Variants in DYNC2H1 observed in about 807,000 individuals in gnomAD.
DYNC2H1 encodes dynein cytoplasmic 2 heavy chain 1.
DYNC2H1 carries 410 observed loss-of-function variants against 570.0 expected under a neutral mutation model. That is an observed-to-expected ratio of 0.72 (90% CI 0.66 to 0.78). The LOEUF is 0.78. DYNC2H1 is among the 30% of genes least tolerant of loss of function. The pLI, the probability that DYNC2H1 is intolerant of heterozygous loss-of-function variation, is 0.00. For missense variants in DYNC2H1, 4,865 were observed against 5,046.4 expected (o/e 0.96, Z 1.09); for synonymous variants, 1,688 against 1,677.6 (o/e 1.01, Z -0.15).
chr11:103,356,793 C>T (rs1246924553), intron 82 of DYNC2H1, among the ~76,000 whole-genome samples: 2 of 152,154 alleles, frequency 1.3e-5, no homozygotes, highest in Non-Finnish European at 2.9e-5. Context: ...TGATGTTTAA[C>T]AGTTAAATCC....
chr11:103,417,799 C>T (rs1943340632), intron 84 of DYNC2H1, among the ~76,000 whole-genome samples: 1 of 151,628 alleles, frequency 6.6e-6, no homozygotes, highest in Non-Finnish European at 1.5e-5. Flanking sequence ...TTGCTTGAAC[C>T]CGGGAGGCAA....
Position 103,122,957 on chromosome 11 carries a change from A to G in DYNC2H1, c.1618A>G (p.Arg540Gly). Residue 540 changes from arginine to glycine, a missense_variant, in exon 11 of 89, where the codon AGG (arginine) becomes GGG (glycine). This residue lies in a region of DYNC2H1 where 1,936 missense variants were observed against 1,962.1 expected (regional missense o/e 0.99). Coordinates refer to ENST00000375735, the MANE Select transcript of DYNC2H1 (RefSeq NM_001377.3). ...YEQEQFDDWS[R>G]DIQSGLSDSR... is the part of the protein sequence containing the mutation. ...ACAGGAACAATTTGATGATTGGTCC[A>G]GGGATATTCAATCAGGTTTATCTGA... 3.1e-6 allele frequency: 5 copies of G among 1,592,962 alleles called. No homozygotes were observed. The highest frequency in any genetic ancestry group is 2.2e-5 in the East Asian group (1 of 44,532).
At chr11:103,232,338 G>C (rs988875579) in intron 60 of DYNC2H1, among the ~76,000 whole-genome samples, 2 of 151,792 alleles carry the variant, frequency 1.3e-5, no homozygotes, top group Non-Finnish European at 2.9e-5. Flanking sequence ...TTTTTTGTCT[G>C]AAGTTGAGCA....
At chr11:103,150,338 C>T (rs1038711804) in intron 20 of DYNC2H1, among the ~76,000 whole-genome samples, 1 of 85,214 alleles carries the variant, frequency 1.2e-5, no homozygotes, top group African/African-American at 3.3e-5. Flanking sequence ...TAGGATATTA[C>T]AATATGATAG....
intron 34 of DYNC2H1, among the ~76,000 whole-genome samples, chr11:103,172,427 A>G (rs1410534570): frequency 2.6e-5 from 4 of 152,118 alleles, no homozygotes; most frequent in African/African-American, 7.2e-5. Context: ...TAACTAAAAC[A>G]TAAACAAACC....
At chr11:103,347,682 G>A (rs1012390849) in intron 82 of DYNC2H1, among the ~76,000 whole-genome samples, 2 of 152,118 alleles carry the variant, frequency 1.3e-5, no homozygotes, top group Non-Finnish European at 2.9e-5. Flanking sequence ...TTTTTAAAAT[G>A]TCGTGGATAT....
Position 103,119,387 on chromosome 11 carries a change from T to G in DYNC2H1, c.1000-1060T>G, listed in dbSNP as rs557758528. ...TGGAATCTCGATATGTTGCCCAGGT[T>G]AGAGTACAGTGAGGTGATCTTGGCT... On this transcript the variant is annotated intron_variant, in intron 6 of 88. Transcript: ENST00000375735. 4.6e-5 allele frequency among the ~76,000 whole-genome samples: 7 copies of G among 152,278 alleles called. No homozygotes were observed. In the East Asian group the frequency reaches 1.3e-3, roughly 29 times the overall value.
intron 50 of DYNC2H1, among the ~76,000 whole-genome samples, chr11:103,202,778 CA>C (rs1283073864): frequency 1.3e-5 from 2 of 152,116 alleles, no homozygotes; most frequent in African/African-American, 4.8e-5. Flanking sequence ...ATTGGCTTAA[CA>C]AATATTTATT....
In DYNC2H1 at chr11:103,299,877, T is replaced by A. The variant is rs1202024555; in HGVS notation, c.11096-3216T>A. ...GCCTACCACAATATATTTGACATTT[T>A]TACTTGTTTCTAGGGTTCAGTACTA... On this transcript the variant is annotated intron_variant, in intron 75 of 88. Coordinates refer to ENST00000375735, the MANE Select transcript of DYNC2H1 (RefSeq NM_001377.3). The surrounding 1 kb of genome is among the most constrained non-coding windows in gnomAD (Gnocchi z 4.5). Among the ~76,000 whole-genome samples, 2 of 152,116 alleles carry A rather than the reference T, an allele frequency of 1.3e-5. No individual in the cohort carries two copies. Among genetic ancestry groups the A allele is most frequent in the African/African-American group, 4.8e-5 (2 of 41,440 alleles).
intron 83 of DYNC2H1, among the ~76,000 whole-genome samples, chr11:103,378,056 T>C (rs1176760631): frequency 1.3e-5 from 2 of 152,214 alleles, no homozygotes; most frequent in Admixed American, 6.5e-5. Flanking sequence ...TTTTTACATT[T>C]TCTTCCAAAG....
rs1232578971 is a variant in DYNC2H1 at position 103,289,717 on chromosome 11, T to G, written c.11095+2112T>G. Among the ~76,000 whole-genome samples the G allele has an allele frequency of 1.3e-5, 2 of 152,166 alleles. No homozygotes were observed. Among genetic ancestry groups the G allele is most frequent in the Admixed American group, 1.3e-4 (2 of 15,276 alleles). On this transcript the variant is annotated intron_variant, in intron 75 of 88. Transcript: ENST00000375735. This position sits in a 1 kb window ranked among gnomAD's most constrained non-coding sequence, Gnocchi z 4.2. The stretch of plus-strand genomic sequence containing the variant: ...TCAAGGTTGCAGTGAGCTGTGATTC[T>G]GTCACCACATCCCAGCGTGGACAGC...
At position 103,161,034 on chromosome 11, in the gene DYNC2H1, A is replaced by C; in HGVS notation, c.4481A>C (p.Asn1494Thr). ...TTTAAAAATAAAGTTCCTCTATCAA[A>C]TAATGTAGAGGTAAGCAATTCTTTT... ...VPFKNKVPLSNNVETWLNDLA... is the reference protein window; with the variant it reads ...VPFKNKVPLSTNVETWLNDLA... Residue 1494 changes from asparagine to threonine, a missense_variant, in exon 29 of 89, where the codon AAT (asparagine) becomes ACT (threonine). Transcript: ENST00000375735. 1 of 1,476,744 alleles carries C rather than the reference A, an allele frequency of 6.8e-7. No homozygotes were observed. The highest frequency in any genetic ancestry group is 1.4e-5 in the South Asian group (1 of 72,348). The allele number at this position is 1,476,744 out of a possible 1,614,324, so 91.5% of individuals were successfully genotyped here.
At position 103,319,551 on chromosome 11, in the gene DYNC2H1, G is replaced by T. The variant is rs1938053818; in HGVS notation, c.11726-1478G>T. Among the ~76,000 whole-genome samples, 1 of 152,006 alleles carries T rather than the reference G, an allele frequency of 6.6e-6. No homozygotes were observed. The highest frequency in any genetic ancestry group is 2.4e-5 in the African/African-American group (1 of 41,398). On this transcript the variant is annotated intron_variant, in intron 80 of 88. Transcript: ENST00000375735. The surrounding 1 kb of genome is among the most constrained non-coding windows in gnomAD (Gnocchi z 4.3). Reference sequence around the variant, plus strand: ...TTAACATTTAGTACATTTAATATGTGGAGTTAAGCTATCAGTAATTGTTGG... The same window carrying T: ...TTAACATTTAGTACATTTAATATGTTGAGTTAAGCTATCAGTAATTGTTGG...
rs1214423612 is a variant in DYNC2H1, at chr11:103,209,341, G to A, written c.8455-535G>A. 2.0e-5 allele frequency among the ~76,000 whole-genome samples: 3 copies of A among 151,614 alleles called. No homozygotes were observed. The highest frequency in any genetic ancestry group is 2.1e-4 in the South Asian group (1 of 4,802). On this transcript the variant is annotated intron_variant, in intron 52 of 88. Coordinates refer to ENST00000375735, the MANE Select transcript of DYNC2H1 (RefSeq NM_001377.3). This position sits in a 1 kb window ranked among gnomAD's most constrained non-coding sequence, Gnocchi z 4.2. ...AGGTTATCTTTACTTTAATAATAAT[G>A]ATATCTGCTTATGAAACTGTATTTG...
chr11:103,238,326 T>A (rs1323418701), intron 63 of DYNC2H1, among the ~76,000 whole-genome samples: 1 of 152,058 alleles, frequency 6.6e-6, no homozygotes, highest in Non-Finnish European at 1.5e-5. Context: ...TCCCAGCACT[T>A]TGGGAGGCAA....
chr11:103,232,659 A>G (rs1864063008), intron 60 of DYNC2H1, among the ~76,000 whole-genome samples: 1 of 152,044 alleles, frequency 6.6e-6, no homozygotes, highest in African/African-American at 2.4e-5. Context: ...AAAAATAAGC[A>G]TGATCTATCA....
At chr11:103,168,613 G>A in intron 31 of DYNC2H1, 142 bp from the exon 32 acceptor site, 1 of 819,236 alleles carries the variant, frequency 1.2e-6, no homozygotes, top group Non-Finnish European at 1.8e-6. Context: ...TAGCTTATGT[G>A]ATTTGTATTA....
chr11:103,365,017 TTTC>T (rs1046883924), intron 83 of DYNC2H1, among the ~76,000 whole-genome samples: 48 of 152,304 alleles, frequency 3.2e-4, no homozygotes, highest in African/African-American at 1.1e-3. Context: ...TAATTATTGA[TTTC>T]TTCTTCTTTT....
intron 83 of DYNC2H1, among the ~76,000 whole-genome samples, chr11:103,397,370 TC>T (rs1375915546): frequency 6.6e-6 from 1 of 152,204 alleles, no homozygotes; most frequent in Non-Finnish European, 1.5e-5. Context: ...GCTAGTTTCA[TC>T]AAAAAGCATA....
Sources: allele counts gnomAD v4.1 joint callset (sites outside exome capture counted in the v4.1 genomes callset), GRCh38; gene constraint gnomAD v4.1.1; regional missense constraint gnomAD v4.1.1; non-coding constraint Gnocchi (gnomAD v3.1); transcripts MANE v1.5; gene names NCBI Gene and HGNC (gene_info 2026-07-23, HGNC 2026-07-21).